Variants in STRN3 observed in about 807,000 individuals in gnomAD.
STRN3 encodes the protein striatin-3.
Under a neutral mutation model 95.6 loss-of-function variants are expected in STRN3, and 29 were observed. The observed-to-expected ratio is 0.30, with a 90% CI of 0.23 to 0.41. The LOEUF is 0.41. STRN3 is among the 10% of genes least tolerant of loss of function. STRN3 has a pLI of 1.00. For missense variants in STRN3, 890 were observed against 972.1 expected (o/e 0.92, Z 1.12); for synonymous variants, 331 against 357.6 (o/e 0.93, Z 0.84).
chr14:30,988,227 T>C (rs1218827818), intron 1 of STRN3, among the ~76,000 whole-genome samples: 1 of 152,168 alleles, frequency 6.6e-6, no homozygotes, highest in Non-Finnish European at 1.5e-5. Flanking sequence ...TCCAAGATGC[T>C]CAGCTAGGTC....
chr14:31,013,914 ATTATTT>A (rs1354109630), intron 1 of STRN3, among the ~76,000 whole-genome samples: 1 of 97,218 alleles, frequency 1.0e-5, no homozygotes, highest in Non-Finnish European at 2.4e-5. Flanking sequence ...TATTATTATT[ATTATTT>A]GAGACAGAGT....
chr14:30,992,784 C>T (rs1416959494), intron 1 of STRN3, among the ~76,000 whole-genome samples: 3 of 152,018 alleles, frequency 2.0e-5, no homozygotes, highest in Non-Finnish European at 2.9e-5. Context: ...GAGGCCAAGG[C>T]GGTAAGATTG....
chr14:30,929,954 C>CAAAAAAAAAAACA (rs1393194244), intron 7 of STRN3, among the ~76,000 whole-genome samples: 1 of 40,002 alleles, frequency 2.5e-5, no homozygotes, highest in Admixed American at 3.3e-4. Context: ...CTAAGATTAG[C>CAAAAAAAAAAACA]AAAAAAAAAA....
At position 30,907,038 on chromosome 14, in the gene STRN3, T is replaced by C. The variant is rs543186705; in HGVS notation, c.1727A>G (p.Asn576Ser). ...ACCAACTAAAGTGCCAGCTAGAACA[T>C]TTGGCTCTGGGGAAAAAACAAACAA... is the stretch of plus-strand genomic sequence containing the variant. The part of the protein sequence containing the change: ...SVDPYDTYEP[N>S]VLAGTLVGHT... Residue 576 changes from asparagine to serine, a missense_variant, in exon 14 of 18, where the codon AAT becomes AGT. This residue lies in a region of STRN3 where 357 missense variants were observed against 422.8 expected (regional missense o/e 0.84). Transcript: ENST00000357479. The C allele has an allele frequency of 1.2e-6, 2 of 1,605,694 alleles. No homozygotes were observed. Among genetic ancestry groups the C allele is most frequent in the East Asian group, 2.2e-5 (1 of 44,790 alleles).
chr14:31,002,483 A>T (rs2139294350), intron 1 of STRN3, among the ~76,000 whole-genome samples: 1 of 151,050 alleles, frequency 6.6e-6, no homozygotes, highest in Admixed American at 6.6e-5. Context: ...AAAAAAAAAA[A>T]AAAAAAAAAA....
intron 4 of STRN3, among the ~76,000 whole-genome samples, chr14:30,948,627 T>C (rs1279995785): frequency 6.6e-6 from 1 of 152,196 alleles, no homozygotes; most frequent in Non-Finnish European, 1.5e-5. Context: ...TTGAATACGT[T>C]TGTGATAGTT....
chr14:30,991,318 A>C (rs1881943231), intron 1 of STRN3, among the ~76,000 whole-genome samples: 1 of 152,232 alleles, frequency 6.6e-6, no homozygotes, highest in Non-Finnish European at 1.5e-5. Context: ...AATTTGTTGA[A>C]ATAATATGAG....
At position 30,897,131 on chromosome 14, in the gene STRN3, A is replaced by G. The variant is rs1461883186; in HGVS notation, c.2138-1383T>C. Among the ~76,000 whole-genome samples, 3 of 152,358 alleles carry G rather than the reference A, an allele frequency of 2.0e-5. No individual in the cohort carries two copies. The East Asian group carries it at 5.8e-4, about 29-fold the overall frequency. ...AGAGGCTTTTTCCAAAATTCTAGTT[A>G]TAATCATTAGCCATGCCTCTGGTCC... On this transcript the variant is annotated intron_variant, in intron 16 of 17. Coordinates refer to ENST00000357479, the MANE Select transcript of STRN3 (RefSeq NM_001083893.2).
chr14:30,949,274 C>A (rs1218511180), intron 4 of STRN3, among the ~76,000 whole-genome samples: 1 of 151,986 alleles, frequency 6.6e-6, no homozygotes, highest in Non-Finnish European at 1.5e-5. Flanking sequence ...TGATAAATAC[C>A]TTTTTGAATG....
At chr14:30,981,576 T>TCA (rs34644271) in intron 1 of STRN3, among the ~76,000 whole-genome samples, 7,030 of 145,368 alleles carry the variant, frequency 0.048, 327 homozygotes, top group African/African-American at 0.1. Flanking sequence ...AGCTTAGAAT[T>TCA]CACACACACA....
intron 1 of STRN3, among the ~76,000 whole-genome samples, chr14:30,960,430 A>C (rs1454142344): frequency 6.6e-6 from 1 of 152,218 alleles, no homozygotes; most frequent in Non-Finnish European, 1.5e-5. Context: ...AGGAAAATGA[A>C]CCAAAGAAAC....
intron 11 of STRN3, 47 bp from the exon 12 acceptor site, chr14:30,911,871 A>G: frequency 1.3e-6 from 2 of 1,577,656 alleles, no homozygotes; most frequent in Non-Finnish European, 1.7e-6. Flanking sequence ...CAATTAAATA[A>G]CTATGAATCA....
At chr14:30,928,324 C>T (rs1379185608) in intron 8 of STRN3, among the ~76,000 whole-genome samples, 6 of 152,140 alleles carry the variant, frequency 3.9e-5, no homozygotes, top group Non-Finnish European at 8.8e-5. Context: ...CAAAGAAACA[C>T]AAAAGAATGT....
chr14:30,993,204 A>C (rs114255272), intron 1 of STRN3, among the ~76,000 whole-genome samples: 2 of 149,772 alleles, frequency 1.3e-5, no homozygotes, highest in Non-Finnish European at 3.0e-5. Flanking sequence ...GCAGTGAGCT[A>C]TGATCCCACC....
At chr14:30,952,684 A>G (rs764982193) in intron 3 of STRN3, among the ~76,000 whole-genome samples, 1 of 152,146 alleles carries the variant, frequency 6.6e-6, no homozygotes, top group African/African-American at 2.4e-5. Flanking sequence ...TGGGCAATAG[A>G]GCAAGACTCT....
At chr14:30,991,361 A>G (rs754710050) in intron 1 of STRN3, among the ~76,000 whole-genome samples, 2 of 152,186 alleles carry the variant, frequency 1.3e-5, no homozygotes, top group African/African-American at 2.4e-5. Context: ...CTGGGGTACA[A>G]TCATACATAG....
At chr14:30,957,498 C>G (rs942802678) in intron 1 of STRN3, among the ~76,000 whole-genome samples, 21 of 149,976 alleles carry the variant, frequency 1.4e-4, no homozygotes, top group African/African-American at 4.9e-4. Flanking sequence ...AATGTATAAT[C>G]TTTCCATTGT....
At chr14:30,973,376 CAA>C (rs1880933169) in intron 1 of STRN3, among the ~76,000 whole-genome samples, 1 of 145,874 alleles carries the variant, frequency 6.9e-6, no homozygotes, top group African/African-American at 2.5e-5. Context: ...GAGAGGGGGA[CAA>C]AGAGACAGAG....
chr14:30,975,561 GAAGA>G (rs1469059351), intron 1 of STRN3, among the ~76,000 whole-genome samples: 3 of 136,630 alleles, frequency 2.2e-5, no homozygotes, highest in East Asian at 2.1e-4. Context: ...AAAAAAAGAA[GAAGA>G]AAGAAAGAGA....
Sources: gnomAD v4.1 joint callset for allele counts (sites outside exome capture counted in the v4.1 genomes callset) on GRCh38, gnomAD v4.1.1 for gene constraint, gnomAD v4.1.1 regional missense constraint, MANE v1.5 for transcripts, NCBI Gene and HGNC (gene_info 2026-07-23, HGNC 2026-07-21) for gene names.